Variants in SPEF2 observed in about 807,000 individuals in gnomAD.
SPEF2 encodes sperm flagellar and cilia associated 2, also known as sperm flagella and cilia-associated protein 2.
SPEF2 carries 187 observed loss-of-function variants against 224.6 expected under a neutral mutation model. That is an observed-to-expected ratio of 0.83 (90% CI 0.74 to 0.94). The LOEUF (loss-of-function observed/expected upper bound fraction) is 0.94, where lower values mean the gene tolerates loss of function less well. Ranked by LOEUF, SPEF2 falls within the 40% of genes least tolerant of loss-of-function variation. SPEF2 has a pLI of 0.00. For synonymous variants in SPEF2, 715 were observed against 707.3 expected (o/e 1.01, Z -0.17); for missense variants, 2,170 against 2,135.6 (o/e 1.02, Z -0.32).
intron 4 of SPEF2, among the ~76,000 whole-genome samples, chr5:35,645,530 T>C (rs553863406): frequency 1.3e-5 from 2 of 152,324 alleles, no homozygotes; most frequent in African/African-American, 4.8e-5. Context: ...AGTCATGTAA[T>C]TATATGACTT....
At chr5:35,667,927 C>T (rs1415460403) in intron 9 of SPEF2, among the ~76,000 whole-genome samples, 1 of 152,114 alleles carries the variant, frequency 6.6e-6, no homozygotes, top group East Asian at 1.9e-4. Context: ...CCTTGTTAGT[C>T]ATTAGAAAAT....
chr5:35,696,698 G>A (rs1755378132), intron 14 of SPEF2, among the ~76,000 whole-genome samples: 2 of 152,138 alleles, frequency 1.3e-5, no homozygotes, highest in Admixed American at 6.6e-5. Context: ...TATGAACATA[G>A]AGATAAATAT....
chr5:35,635,335 C>G (rs1251599693), intron 2 of SPEF2, among the ~76,000 whole-genome samples: 1 of 152,074 alleles, frequency 6.6e-6, no homozygotes, highest in Non-Finnish European at 1.5e-5. Flanking sequence ...AAATGGTATT[C>G]TCATACTTTA....
intron 20 of SPEF2, among the ~76,000 whole-genome samples, chr5:35,720,874 T>G (rs1312379175): frequency 6.6e-6 from 1 of 152,156 alleles, no homozygotes; most frequent in African/African-American, 2.4e-5. Context: ...TGAAGATAAT[T>G]TTGATACTGA....
At chr5:35,736,171 T>C (rs1380353329) in intron 21 of SPEF2, among the ~76,000 whole-genome samples, 2 of 151,808 alleles carry the variant, frequency 1.3e-5, no homozygotes, top group Admixed American at 6.6e-5. Context: ...GTCCCAAGAG[T>C]TGAACCAAGT....
At chr5:35,733,632 C>G (rs1344696724) in intron 21 of SPEF2, among the ~76,000 whole-genome samples, 1 of 152,148 alleles carries the variant, frequency 6.6e-6, no homozygotes, top group Non-Finnish European at 1.5e-5. Flanking sequence ...CACAGGAAGG[C>G]AGGTGCCAGA....
intron 30 of SPEF2, among the ~76,000 whole-genome samples, chr5:35,779,836 G>T (rs1754081755): frequency 6.6e-6 from 1 of 152,178 alleles, no homozygotes; most frequent in South Asian, 2.1e-4. Flanking sequence ...TAATTAGTCG[G>T]TTTGTTCATA....
At chr5:35,702,010 C>T (rs1738741529) in intron 16 of SPEF2, 1 of 365,718 alleles carries the variant, frequency 2.7e-6, no homozygotes, top group Non-Finnish European at 5.4e-6. Flanking sequence ...TAGATAATAG[C>T]CAGAATTTAG....
At chr5:35,773,608 T>G (rs1459284154) in intron 27 of SPEF2, among the ~76,000 whole-genome samples, 1 of 152,166 alleles carries the variant, frequency 6.6e-6, no homozygotes, top group Non-Finnish European at 1.5e-5. Context: ...TTCACTATGT[T>G]TGGAAACTGT....
chr5:35,799,358 C>A (rs749546999), intron 33 of SPEF2, among the ~76,000 whole-genome samples: 1 of 152,174 alleles, frequency 6.6e-6, no homozygotes, highest in Non-Finnish European at 1.5e-5. Flanking sequence ...GCCAAATGCA[C>A]AAGACCCTGT....
intron 23 of SPEF2, among the ~76,000 whole-genome samples, chr5:35,749,955 A>G (rs1485032642): frequency 2.6e-5 from 4 of 152,178 alleles, no homozygotes; most frequent in Non-Finnish European, 5.9e-5. Context: ...TTCAAACTAT[A>G]CTATAAGGCC....
At position 35,763,618 on chromosome 5, in the gene SPEF2, A is replaced by G. The variant is rs1185614471; in HGVS notation, c.3717A>G (p.Leu1239=). The change falls in exon 26 of 37, where the codon CTA becomes CTG. Residue 1239 remains leucine, a synonymous_variant. Transcript: ENST00000356031. Reference sequence around the variant, plus strand: ...TGAAGGGCAAGATGGATAACTCCCTAGAAAACGTTGAGTCCAACTTTGAGG... The same window carrying G: ...TGAAGGGCAAGATGGATAACTCCCTGGAAAACGTTGAGTCCAACTTTGAGG... ...SVLKGKMDNS[L]ENVESNFEAD... 12 of 1,614,022 alleles carry G rather than the reference A, an allele frequency of 7.4e-6. 1 individual carries two copies. The highest frequency in any genetic ancestry group is 1.6e-4 in the Middle Eastern group (1 of 6,062).
chr5:35,691,289 A>G, intron 11 of SPEF2, 33 bp downstream of exon 11: 1 of 1,559,970 alleles, frequency 6.4e-7, no homozygotes, highest in Non-Finnish European at 8.8e-7. Flanking sequence ...CCCTGCCATT[A>G]GGTCCTATTT....
At chr5:35,709,342 T>C (rs1187929020) in intron 19 of SPEF2, 4 of 1,368,468 alleles carry the variant, frequency 2.9e-6, no homozygotes, top group Non-Finnish European at 3.8e-6. Context: ...CATGGAGTCA[T>C]CACACCTAGG....
chr5:35,659,678 G>C (rs956773357), intron 8 of SPEF2, among the ~76,000 whole-genome samples: 1 of 152,044 alleles, frequency 6.6e-6, no homozygotes. Flanking sequence ...AGTATGAAGT[G>C]TGCTGCCAAA....
intron 10 of SPEF2, among the ~76,000 whole-genome samples, chr5:35,681,550 G>T (rs1250786186): frequency 6.6e-6 from 1 of 152,062 alleles, no homozygotes; most frequent in Non-Finnish European, 1.5e-5. Flanking sequence ...ATTATTTGTT[G>T]TCCCAAAAGA....
At chr5:35,727,592 T>TG (rs1744882740) in intron 20 of SPEF2, 83 bp from the exon 21 acceptor site, 1 of 1,178,650 alleles carries the variant, frequency 8.5e-7, no homozygotes, top group Non-Finnish European at 1.2e-6. Flanking sequence ...CTGAAGTCCA[T>TG]GGTAATTATA....
intron 34 of SPEF2, among the ~76,000 whole-genome samples, chr5:35,802,719 A>G (rs1367993164): frequency 6.6e-6 from 1 of 152,232 alleles, no homozygotes; most frequent in Admixed American, 6.5e-5. Flanking sequence ...AAGCAGCCAT[A>G]ACTGGTGTGC....
chr5:35,713,083 G>C (rs941331803), intron 20 of SPEF2, among the ~76,000 whole-genome samples, 197 bp downstream of exon 20: 17 of 152,112 alleles, frequency 1.1e-4, no homozygotes, highest in Non-Finnish European at 2.1e-4. Context: ...TGAGAAAAGT[G>C]ATGCTTGCAG....
Sources: allele counts gnomAD v4.1 joint callset (sites outside exome capture counted in the v4.1 genomes callset), GRCh38; gene constraint gnomAD v4.1.1; transcripts MANE v1.5; gene names NCBI Gene and HGNC (gene_info 2026-07-23, HGNC 2026-07-21).